MALRD1: variants seen among roughly 807,000 people sequenced by gnomAD.
MALRD1 encodes the protein MAM and LDL receptor class A domain containing 1, also known as MAM and LDL-receptor class A domain-containing protein 1.
Under a neutral mutation model 242.1 loss-of-function variants are expected in MALRD1, and 247 were observed. That is an observed-to-expected ratio of 1.02 (90% CI 0.92 to 1.13). The LOEUF (loss-of-function observed/expected upper bound fraction) is 1.13. Among genes scored for constraint, MALRD1 ranks in the 50% most tolerant of loss-of-function variants. MALRD1 has a pLI of 0.00. For missense variants in MALRD1, 2,989 were observed against 2,533.1 expected, an observed-to-expected ratio of 1.18 and a Z score of -3.86; for synonymous variants, 995 against 866.6, an observed-to-expected ratio of 1.15 and a Z score of -2.60.
chr10:19,476,185 G>A (rs896729416), intron 29 of MALRD1, among the ~76,000 whole-genome samples: 2 of 152,080 alleles, frequency 1.3e-5, no homozygotes, highest in Non-Finnish European at 2.9e-5. Context: ...TCAGCAGTAG[G>A]TGTTTACGGA....
chr10:19,569,786 A>G (rs1836434837), intron 33 of MALRD1, among the ~76,000 whole-genome samples: 1 of 147,124 alleles, frequency 6.8e-6, no homozygotes, highest in Non-Finnish European at 1.5e-5. Context: ...TTATATATAT[A>G]CTGGAATATA....
intron 5 of MALRD1, among the ~76,000 whole-genome samples, chr10:19,109,090 G>T (rs1463517245): frequency 6.6e-6 from 1 of 152,184 alleles, no homozygotes; most frequent in African/African-American, 2.4e-5. Context: ...GGGCACAGTA[G>T]TGTAGTCTCA....
At chr10:19,520,021 C>A (rs899923672) in intron 31 of MALRD1, among the ~76,000 whole-genome samples, 52 of 152,246 alleles carry the variant, frequency 3.4e-4, no homozygotes, top group African/African-American at 1.0e-3. Flanking sequence ...TTTGTAGCTA[C>A]TATTCACTGA....
rs1200935141 is a variant in MALRD1, at chr10:19,331,575, C to A, written c.3894C>A (p.Phe1298Leu). 2 of 1,549,914 alleles carry A rather than the reference C, an allele frequency of 1.3e-6. No homozygotes were observed. The highest frequency in any genetic ancestry group is 3.9e-5 in the Admixed American group (2 of 50,984). ...DCADNSDETT[F>L]ICRTSSGRCD... ...CTGATAATTCAGATGAGACTACTTT[C>A]ATTTGCCGTAAGTAAAAGGGTTCTG... is the stretch of plus-strand genomic sequence containing the variant. Residue 1298 changes from phenylalanine to leucine, a missense_variant, in exon 24 of 40, where the codon TTC becomes TTA. Transcript: ENST00000454679.
chr10:19,519,394 A>G (rs1833780879), intron 31 of MALRD1, among the ~76,000 whole-genome samples: 1 of 152,214 alleles, frequency 6.6e-6, no homozygotes, highest in South Asian at 2.1e-4. Context: ...TAAAATGAAC[A>G]GTTATTAATA....
At chr10:19,075,385 C>T (rs1004663798) in intron 2 of MALRD1, among the ~76,000 whole-genome samples, 4 of 151,998 alleles carry the variant, frequency 2.6e-5, no homozygotes, top group African/African-American at 9.7e-5. Context: ...TCAGTGTAAT[C>T]ACATGAGCCC....
intron 21 of MALRD1, among the ~76,000 whole-genome samples, chr10:19,289,497 G>T (rs1482363732): frequency 6.6e-6 from 1 of 152,102 alleles, no homozygotes; most frequent in Non-Finnish European, 1.5e-5. Context: ...ATGCTTAATG[G>T]TCAGATAATA....
At chr10:19,571,561 T>G (rs1020459151) in intron 33 of MALRD1, among the ~76,000 whole-genome samples, 1 of 152,176 alleles carries the variant, frequency 6.6e-6, no homozygotes, top group African/African-American at 2.4e-5. Flanking sequence ...TTTTATTTTG[T>G]AGGCTAAAAA....
At chr10:19,238,400 T>TATTATATATTATATATAATATAC (rs1564492338) in intron 18 of MALRD1, among the ~76,000 whole-genome samples, 4 of 73,208 alleles carry the variant, frequency 5.5e-5, no homozygotes, top group Non-Finnish European at 9.5e-5. Context: ...ATATGTTATA[T>TATTATATATTATATATAATATAC]ATTATGTATA....
At chr10:19,412,053 C>T (rs1168560956) in intron 28 of MALRD1, among the ~76,000 whole-genome samples, 1 of 152,202 alleles carries the variant, frequency 6.6e-6, no homozygotes, top group Non-Finnish European at 1.5e-5. Flanking sequence ...AATCCCAGCA[C>T]TTTGGGAGGC....
At chr10:19,682,961 G>A (rs776070054) in intron 36 of MALRD1, among the ~76,000 whole-genome samples, 4 of 152,088 alleles carry the variant, frequency 2.6e-5, no homozygotes, top group Non-Finnish European at 5.9e-5. Context: ...TCCCTTTCCT[G>A]TGTAACAGGA....
chr10:19,631,983 G>A (rs1396188547), intron 36 of MALRD1, among the ~76,000 whole-genome samples: 2 of 152,042 alleles, frequency 1.3e-5, no homozygotes, highest in African/African-American at 4.8e-5. Flanking sequence ...CTTAATAATT[G>A]TATAGCAGTA....
At chr10:19,082,568 G>T (rs577277929) in intron 2 of MALRD1, among the ~76,000 whole-genome samples, 5 of 151,716 alleles carry the variant, frequency 3.3e-5, no homozygotes, top group South Asian at 4.2e-4. Flanking sequence ...AATAAGTCTG[G>T]TCTTTCTCAG....
chr10:19,617,543 T>C (rs1215924314), intron 36 of MALRD1, among the ~76,000 whole-genome samples: 1 of 152,054 alleles, frequency 6.6e-6, no homozygotes, highest in Non-Finnish European at 1.5e-5. Context: ...TTCAAGTTTT[T>C]CTTTCTTTAA....
At chr10:19,651,141 G>A (rs946867231) in intron 36 of MALRD1, among the ~76,000 whole-genome samples, 2 of 152,070 alleles carry the variant, frequency 1.3e-5, no homozygotes, top group African/African-American at 4.8e-5. Context: ...TTGTTAAATG[G>A]CCACAAGTCC....
intron 38 of MALRD1, among the ~76,000 whole-genome samples, chr10:19,714,129 A>G (rs1292888264): frequency 6.6e-6 from 1 of 152,152 alleles, no homozygotes; most frequent in Non-Finnish European, 1.5e-5. Flanking sequence ...CCTCTGCCTC[A>G]TGGCAAAGAC....
At chr10:19,186,947 A>T (rs762757516) in intron 14 of MALRD1, among the ~76,000 whole-genome samples, 2 of 152,156 alleles carry the variant, frequency 1.3e-5, no homozygotes, top group African/African-American at 2.4e-5. Flanking sequence ...CATCCAAGCA[A>T]TCGACGTCTC....
At chr10:19,062,562 T>A (rs1256700876) in intron 1 of MALRD1, among the ~76,000 whole-genome samples, 1 of 152,160 alleles carries the variant, frequency 6.6e-6, no homozygotes, top group African/African-American at 2.4e-5. Flanking sequence ...ATAAACCAAA[T>A]TTTATATGAT....
rs1181154578 is a variant in MALRD1, at chr10:19,491,650, G to GT, written c.5158+8dup. On this transcript the variant is annotated splice_donor_region_variant and intron_variant, in intron 30 of 39. Coordinates refer to ENST00000454679, the MANE Select transcript of MALRD1 (RefSeq NM_001142308.3). ...GGTCTGATGAAGCTCACTGTGGTAA[G>GT]TTTATCTATCTGCTGTATGGCAGCC... The GT allele has an allele frequency of 6.5e-7, 1 of 1,548,380 alleles. No individual in the cohort carries two copies. Among genetic ancestry groups the GT allele is most frequent in the South Asian group, 1.2e-5 (1 of 84,034 alleles).
Sources: allele counts gnomAD v4.1 joint callset (sites outside exome capture counted in the v4.1 genomes callset), GRCh38; gene constraint gnomAD v4.1.1; transcripts MANE v1.5; gene names NCBI Gene and HGNC (gene_info 2026-07-23, HGNC 2026-07-21).